Variants in ANXA7 observed in about 807,000 individuals in gnomAD.
The protein encoded by ANXA7 is annexin A7, also known as annexin VII.
A neutral mutation model predicts 64.9 loss-of-function variants in ANXA7; 55 were observed. That is an observed-to-expected ratio of 0.85 (90% CI 0.68 to 1.06). The LOEUF (loss-of-function observed/expected upper bound fraction) is 1.06, where lower values mean the gene tolerates loss of function less well. ANXA7 is among the 50% of genes least tolerant of loss of function. ANXA7 has a pLI of 0.00. For synonymous variants in ANXA7, 200 were observed against 192.4 expected (o/e 1.04, Z -0.33); for missense variants, 548 against 582.1 (o/e 0.94, Z 0.60).
chr10:73,383,521 C>A, intron 8 of ANXA7, 56 bp downstream of exon 8: 1 of 1,408,698 alleles, frequency 7.1e-7, no homozygotes, highest in Non-Finnish European at 9.9e-7. Context: ...ATAATTTGTA[C>A]GGTTTTACAT....
intron 12 of ANXA7, 131 bp from the exon 13 acceptor site, chr10:73,376,348 T>A: frequency 3.5e-6 from 3 of 846,582 alleles, no homozygotes; most frequent in Non-Finnish European, 5.1e-6. Flanking sequence ...ACTGACATTT[T>A]ATGGCTGGCA....
At chr10:73,406,285 A>C (rs2055758066) in intron 1 of ANXA7, among the ~76,000 whole-genome samples, 2 of 152,106 alleles carry the variant, frequency 1.3e-5, no homozygotes, top group Non-Finnish European at 2.9e-5. Context: ...CCATCCTTTG[A>C]AATGCCTCTT....
At position 73,390,720 on chromosome 10, in the gene ANXA7, A is replaced by ATATATATAT. The variant is rs1491310073; in HGVS notation, c.436-2307_436-2306insATATATATA. On this transcript the variant is annotated intron_variant, in intron 5 of 12. Transcript: ENST00000372921. ...TATATATATATATATATATATATAT[A>ATATATATAT]AAAATATATATATACACACACACAC... 2.0e-4 allele frequency among the ~76,000 whole-genome samples: 23 copies of ATATATATAT among 112,588 alleles called. 1 individual carries two copies. The highest frequency in any genetic ancestry group is 9.6e-4 in the African/African-American group (23 of 23,918). 73.9% of individuals were successfully genotyped at this position (112,588 alleles called of 152,430 possible). A position where few individuals can be genotyped will look rare whatever the true frequency, so the allele number is the denominator to read the frequency against.
At position 73,383,302 on chromosome 10, in the gene ANXA7, G is replaced by C; in HGVS notation, c.791C>G (p.Thr264Arg). Residue 264 changes from threonine (T) to arginine (R), a missense_variant, in exon 9 of 13, where the codon ACA becomes AGA. Transcript: ENST00000372921. ...TTCTCGGATTTCCTGATTTGTTCTT[G>C]TGCACAAAATCTCAATCAATACACG... The part of the protein sequence containing the change: ...QERVLIEILC[T>R]RTNQEIREIV... 1 of 1,613,940 alleles carries C rather than the reference G, an allele frequency of 6.2e-7. No individual in the cohort carries two copies. Among genetic ancestry groups the C allele is most frequent in the South Asian group, 1.1e-5 (1 of 91,066 alleles).
chr10:73,383,276 T>C lies in ANXA7; in HGVS notation c.817A>G (p.Ile273Val), dbSNP rs1282620167. 1 of 1,614,136 alleles carries C rather than the reference T, an allele frequency of 6.2e-7. No individual in the cohort carries two copies. The highest frequency in any genetic ancestry group is 1.1e-5 in the South Asian group (1 of 91,068). Reference protein sequence around the residue: ...CTRTNQEIREIVRCYQSEFGR... With the variant: ...CTRTNQEIREVVRCYQSEFGR... ...AATTCTGACTGATAACATCTGACAA[T>C]TTCTCGGATTTCCTGATTTGTTCTT... Residue 273 changes from isoleucine to valine, a missense_variant, in exon 9 of 13, where the codon ATT becomes GTT. Transcript: ENST00000372921.
intron 1 of ANXA7, among the ~76,000 whole-genome samples, chr10:73,404,110 T>G (rs1196016350): frequency 6.6e-6 from 1 of 152,254 alleles, no homozygotes; most frequent in Non-Finnish European, 1.5e-5. Context: ...ACATTTACTT[T>G]CTCAATTTTA....
chr10:73,388,184 A>G (rs947754388), intron 6 of ANXA7, 128 bp downstream of exon 6: 42 of 671,978 alleles, frequency 6.3e-5, no homozygotes, highest in Non-Finnish European at 9.6e-5. Context: ...GGCACTAGAC[A>G]TCAGATTAAA....
At chr10:73,405,645 C>G (rs2055745127) in intron 1 of ANXA7, among the ~76,000 whole-genome samples, 1 of 152,168 alleles carries the variant, frequency 6.6e-6, no homozygotes, top group Non-Finnish European at 1.5e-5. Flanking sequence ...TACAAGAAAA[C>G]ATTGCTACAA....
chr10:73,396,172 A>C, intron 5 of ANXA7: 1 of 1,062,316 alleles, frequency 9.4e-7, no homozygotes, highest in South Asian at 1.3e-5. Flanking sequence ...TACATAAATC[A>C]CTGTCAGAAA....
chr10:73,394,855 G>A (rs924309848), intron 5 of ANXA7, among the ~76,000 whole-genome samples: 6 of 152,050 alleles, frequency 3.9e-5, no homozygotes, highest in Non-Finnish European at 8.8e-5. Flanking sequence ...AACTTAAAGT[G>A]TAATAAAAAA....
At chr10:73,390,763 T>A (rs1220696582) in intron 5 of ANXA7, among the ~76,000 whole-genome samples, 4 of 149,372 alleles carry the variant, frequency 2.7e-5, no homozygotes, top group African/African-American at 9.8e-5. Flanking sequence ...TATATTGATT[T>A]CATATTTCAT....
chr10:73,391,634 T>C (rs933184870), intron 5 of ANXA7, among the ~76,000 whole-genome samples: 1 of 151,942 alleles, frequency 6.6e-6, no homozygotes, highest in Non-Finnish European at 1.5e-5. Context: ...AACAAACAAA[T>C]GAAACAACAA....
Position 73,398,399 on chromosome 10 carries a change from A to G in ANXA7, c.55-14T>C. 6.2e-7 allele frequency: 1 copy of G among 1,600,086 alleles called. No homozygotes were observed. ...CTGACCTGCAGGCTGAAAAATCAGA[A>G]TAATTTTTAAACAAATACGATCATA... On this transcript the variant is annotated splice_polypyrimidine_tract_variant and intron_variant, in intron 2 of 12. Coordinates refer to ENST00000372921, the MANE Select transcript of ANXA7 (RefSeq NM_001156.5).
rs550836361 is a variant in ANXA7, at chr10:73,390,175, T to G, written c.436-1761A>C. ...ATTTAAACATGCAATCAATACCATT[T>G]CAAAATAAAAGATGATTCAATGCTT... On this transcript the variant is annotated intron_variant, in intron 5 of 12. Coordinates refer to ENST00000372921, the MANE Select transcript of ANXA7 (RefSeq NM_001156.5). 2.0e-5 allele frequency among the ~76,000 whole-genome samples: 3 copies of G among 152,274 alleles called. No individual in the cohort carries two copies. In the South Asian group the frequency reaches 6.2e-4, roughly 32 times the overall value.
rs891869170 is a variant in ANXA7, at chr10:73,414,027, G to C, written c.-17C>G. On this transcript the variant is annotated 5_prime_UTR_variant, in exon 1 of 13. Coordinates refer to ENST00000372921, the MANE Select transcript of ANXA7 (RefSeq NM_001156.5). ...CGCTCCTCACCTGACCCCAGCAGCA[G>C]CGTCACAGCCCAACCCGGTCTCCCG... is the stretch of plus-strand genomic sequence containing the variant. 1 of 152,442 alleles carries C rather than the reference G, an allele frequency of 6.6e-6. No homozygotes were observed. 9.4% of individuals were successfully genotyped at this position (152,442 alleles called of 1,614,324 possible). A position where few individuals can be genotyped will look rare whatever the true frequency, so the allele number is the denominator to read the frequency against.
At chr10:73,395,335 G>C (rs1476768401) in intron 5 of ANXA7, among the ~76,000 whole-genome samples, 1 of 152,068 alleles carries the variant, frequency 6.6e-6, no homozygotes, top group African/African-American at 2.4e-5. Flanking sequence ...AAACAAGCTT[G>C]AAAATGCTAG....
chr10:73,398,237 G>A lies in ANXA7; in HGVS notation c.203C>T (p.Ala68Val), dbSNP rs751884414. Residue 68 changes from alanine (A) to valine (V), a missense_variant, in exon 3 of 13, where the codon GCC becomes GTC. Coordinates refer to ENST00000372921, the MANE Select transcript of ANXA7 (RefSeq NM_001156.5). ...TGGGGCACCAGGATAGCCTCCAGGG[G>A]CTGGATAACCTCCAGGCGCAGGGTA... ...GGYPAPGGYPAPGGYPGAPQP... is the reference protein window; with the variant it reads ...GGYPAPGGYPVPGGYPGAPQP... 6.2e-7 allele frequency: 1 copy of A among 1,613,922 alleles called. No individual in the cohort carries two copies. Among genetic ancestry groups the A allele is most frequent in the Non-Finnish European group, 8.5e-7 (1 of 1,180,012 alleles).
chr10:73,404,929 T>C (rs1393519779), intron 1 of ANXA7, among the ~76,000 whole-genome samples: 1 of 151,982 alleles, frequency 6.6e-6, no homozygotes, highest in South Asian at 2.1e-4. Flanking sequence ...CTGACCAACA[T>C]GGTGAAACCC....
intron 1 of ANXA7, among the ~76,000 whole-genome samples, chr10:73,404,784 A>G (rs2055726287): frequency 7.2e-6 from 1 of 138,916 alleles, no homozygotes; most frequent in South Asian, 2.1e-4. Context: ...ATAAACAGAG[A>G]AAAAAACAAA....
Sources: allele counts gnomAD v4.1 joint callset (sites outside exome capture counted in the v4.1 genomes callset), GRCh38; gene constraint gnomAD v4.1.1; transcripts MANE v1.5; gene names NCBI Gene and HGNC (gene_info 2026-07-23, HGNC 2026-07-21).